The following SAMD3 variants were observed in gnomAD, a reference collection of about 807,000 sequenced individuals.
SAMD3 encodes sterile alpha motif domain-containing protein 3.
A neutral mutation model predicts 58.5 loss-of-function variants in SAMD3; 63 were observed. The observed-to-expected ratio is 1.08, with a 90% CI of 0.88 to 1.33. SAMD3 has a LOEUF of 1.33. SAMD3 is among the 40% of genes most tolerant of loss of function. The pLI, the probability that SAMD3 is intolerant of heterozygous loss-of-function variation, is 0.00. For synonymous variants in SAMD3, 220 were observed against 210.3 expected, an observed-to-expected ratio of 1.05 and a Z score of -0.40; for missense variants, 604 against 608.4, an observed-to-expected ratio of 0.99 and a Z score of 0.08.
chr6:130,194,060 C>A (rs956154318), intron 5 of SAMD3, among the ~76,000 whole-genome samples: 2 of 152,138 alleles, frequency 1.3e-5, no homozygotes, highest in Non-Finnish European at 2.9e-5. Context: ...GCCTCCGCTC[C>A]TCCACTCTAT....
At chr6:130,150,156 T>A (rs182438906) in intron 9 of SAMD3, among the ~76,000 whole-genome samples, 9 of 152,286 alleles carry the variant, frequency 5.9e-5, no homozygotes, top group African/African-American at 2.2e-4. Context: ...CTGCTGAGAT[T>A]CCCTATGGTG....
chr6:130,151,305 T>C (rs1399959034), intron 9 of SAMD3, among the ~76,000 whole-genome samples: 1 of 152,122 alleles, frequency 6.6e-6, no homozygotes, highest in Non-Finnish European at 1.5e-5. Context: ...TGCCTGTACC[T>C]TAATGCCTGA....
At chr6:130,208,145 G>A (rs1795238197) in intron 5 of SAMD3, among the ~76,000 whole-genome samples, 1 of 152,220 alleles carries the variant, frequency 6.6e-6, no homozygotes, top group Admixed American at 6.5e-5. Context: ...ACTGCTCTGT[G>A]GGCAAAATGA....
At position 130,214,374 on chromosome 6, in the gene SAMD3, T is replaced by G; in HGVS notation, c.232A>C (p.Lys78Gln). 1 of 1,609,446 alleles carries G rather than the reference T, an allele frequency of 6.2e-7. No homozygotes were observed. Among genetic ancestry groups the G allele is most frequent in the Non-Finnish European group, 8.5e-7 (1 of 1,177,954 alleles). Reference sequence around the variant, plus strand: ...TCTGTTTGCATGACCAGGGCTGCCTTTTTGGGGTTTTCTGGGGACTTCAGT... The same window carrying G: ...TCTGTTTGCATGACCAGGGCTGCCTGTTTGGGGTTTTCTGGGGACTTCAGT... ...QGLKSPENPK[K>Q]AALVMQTEAA... The change falls in exon 4 of 12, where the codon AAG becomes CAG. Residue 78 changes from lysine to glutamine, a missense_variant. By Grantham distance (53) the Lys-to-Gln change is moderately conservative (BLOSUM62 1). Coordinates refer to ENST00000439090, the MANE Select transcript of SAMD3 (RefSeq NM_001017373.4).
chr6:130,225,433 T>C (rs1484411362), upstream of SAMD3, among the ~76,000 whole-genome samples: 1 of 152,204 alleles, frequency 6.6e-6, no homozygotes, highest in Non-Finnish European at 1.5e-5. Flanking sequence ...ATTGTCTGGA[T>C]CTGGTGAGTT....
At chr6:130,298,793 C>T (rs1303334808) in intron 2 of SAMD3, among the ~76,000 whole-genome samples, 2 of 151,864 alleles carry the variant, frequency 1.3e-5, no homozygotes, top group Non-Finnish European at 2.9e-5. Context: ...AAAGATCAAT[C>T]ACACAAATGG....
chr6:130,190,844 A>G (rs1582861112), intron 5 of SAMD3, among the ~76,000 whole-genome samples: 3 of 152,148 alleles, frequency 2.0e-5, no homozygotes, highest in Admixed American at 2.0e-4. Context: ...AATGGCTTCC[A>G]GGGCTACTTT....
At chr6:130,279,637 A>C (rs1465067348) in intron 2 of SAMD3, among the ~76,000 whole-genome samples, 1 of 152,022 alleles carries the variant, frequency 6.6e-6, no homozygotes, top group Non-Finnish European at 1.5e-5. Context: ...GGCACCTGCC[A>C]GCAGGCCTGG....
intron 2 of SAMD3, among the ~76,000 whole-genome samples, chr6:130,294,112 G>C (rs1192110624): frequency 6.6e-6 from 1 of 152,106 alleles, no homozygotes; most frequent in Admixed American, 6.6e-5. Context: ...CAGATTTGAA[G>C]AGCTAGTAAG....
intron 1 of SAMD3, among the ~76,000 whole-genome samples, chr6:130,317,429 T>G (rs7745033): frequency 0.42 from 64,614 of 152,048 alleles, 15,359 homozygotes; most frequent in African/African-American, 0.64. Flanking sequence ...TGATATATGA[T>G]ACTATGTATA....
chr6:130,351,924 G>A (rs1777683755), intron 1 of SAMD3, among the ~76,000 whole-genome samples: 1 of 152,090 alleles, frequency 6.6e-6, no homozygotes, highest in Admixed American at 6.6e-5. Context: ...GGACATGAAT[G>A]AAGCTGGAAA....
intron 2 of SAMD3, among the ~76,000 whole-genome samples, chr6:130,244,754 TAAAAATAA>T: frequency 1.4e-5 from 2 of 143,504 alleles, no homozygotes. Flanking sequence ...AAAATAAAAA[TAAAAATAA>T]AAATAAAAAT....
chr6:130,343,572 A>G (rs1396030006), intron 1 of SAMD3, among the ~76,000 whole-genome samples: 2 of 152,256 alleles, frequency 1.3e-5, no homozygotes, highest in African/African-American at 4.8e-5. Flanking sequence ...AAGGGTATGC[A>G]TGGGCTGGGT....
chr6:130,196,301 T>C (rs1041771459), intron 5 of SAMD3, among the ~76,000 whole-genome samples: 3 of 152,230 alleles, frequency 2.0e-5, no homozygotes, highest in African/African-American at 7.2e-5. Flanking sequence ...ATATACTTTC[T>C]GCTCCCCAGC....
At chr6:130,326,869 AC>A (rs1343571789) in intron 1 of SAMD3, among the ~76,000 whole-genome samples, 1 of 152,172 alleles carries the variant, frequency 6.6e-6, no homozygotes, top group African/African-American at 2.4e-5. Flanking sequence ...CACAGGCACT[AC>A]CCTGGTGGAT....
chr6:130,333,326 C>G (rs1208726697), intron 1 of SAMD3, among the ~76,000 whole-genome samples: 2 of 152,188 alleles, frequency 1.3e-5, no homozygotes, highest in African/African-American at 2.4e-5. Context: ...TCCCACCACC[C>G]ATTCAAGATT....
intron 2 of SAMD3, among the ~76,000 whole-genome samples, chr6:130,257,571 A>G (rs555465647): frequency 7.9e-5 from 12 of 152,192 alleles, no homozygotes; most frequent in South Asian, 2.1e-4. Flanking sequence ...AATACATCTC[A>G]ATGCCAACTC....
intron 1 of SAMD3, among the ~76,000 whole-genome samples, chr6:130,363,894 G>T (rs1208934567): frequency 6.6e-6 from 1 of 152,184 alleles, no homozygotes; most frequent in Non-Finnish European, 1.5e-5. Context: ...CCGATGTGTA[G>T]CTGAATTCAA....
chr6:130,261,797 G>T (rs550251421), intron 2 of SAMD3, among the ~76,000 whole-genome samples: 1 of 152,256 alleles, frequency 6.6e-6, no homozygotes, highest in East Asian at 1.9e-4. Context: ...AGCCTGGACA[G>T]GTCCCTTGTT....
Sources: gnomAD v4.1 joint callset for allele counts (sites outside exome capture counted in the v4.1 genomes callset) on GRCh38, gnomAD v4.1.1 for gene constraint, MANE v1.5 for transcripts, NCBI Gene and HGNC (gene_info 2026-07-23, HGNC 2026-07-21) for gene names.